Variants in SIRPA observed in about 807,000 individuals in gnomAD.
The protein encoded by SIRPA is signal regulatory protein alpha.
A neutral mutation model predicts 50.3 loss-of-function variants in SIRPA; 9 were observed. The observed-to-expected ratio is 0.18, with a 90% CI of 0.11 to 0.31. The LOEUF (loss-of-function observed/expected upper bound fraction) is 0.31, where lower values mean the gene tolerates loss of function less well. Among genes scored for constraint, SIRPA ranks in the 10% least tolerant of loss-of-function variants. The pLI is 1.00. For missense variants in SIRPA, 474 were observed against 661.6 expected (o/e 0.72, Z 3.11); for synonymous variants, 265 against 284.1 (o/e 0.93, Z 0.68).
chr20:1,913,498 C>T (rs987398154), intron 1 of SIRPA, among the ~76,000 whole-genome samples: 3 of 152,178 alleles, frequency 2.0e-5, no homozygotes, highest in Admixed American at 6.5e-5. Context: ...GGACATCTGC[C>T]GCAGCCTTGT....
upstream of SIRPA, chr20:1,894,381 C>T (rs902370377): frequency 6.6e-6 from 1 of 152,152 alleles, no homozygotes; most frequent in Non-Finnish European, 1.5e-5. This position sits in a 1 kb window ranked among gnomAD's most constrained non-coding sequence, Gnocchi z 4.0. Flanking sequence ...TTCCCCGGTC[C>T]ACCTTAAGAG....
In SIRPA at chr20:1,933,084, G is replaced by C. The variant is rs1157027058; in HGVS notation, c.1227-1631G>C. On this transcript the variant is annotated intron_variant, in intron 6 of 7. Transcript: ENST00000358771. The surrounding 1 kb of genome is among the most constrained non-coding windows in gnomAD (Gnocchi z 4.4). ...AAGGATTAAAGCAGATTAAGAGGCA[G>C]CAGCATGGAGCATGCAAAGGCCCTG... 2.0e-5 allele frequency among the ~76,000 whole-genome samples: 3 copies of C among 152,354 alleles called. No homozygotes were observed. Among genetic ancestry groups the C allele is most frequent in the African/African-American group, 7.2e-5 (3 of 41,574 alleles).
intron 1 of SIRPA, among the ~76,000 whole-genome samples, chr20:1,903,806 C>T (rs751728082): frequency 9.2e-5 from 14 of 152,174 alleles, no homozygotes; most frequent in Non-Finnish European, 1.6e-4. Flanking sequence ...AAGAGGTTAT[C>T]GCTTGTGATT....
At position 1,939,432 on chromosome 20, in the gene SIRPA, G is replaced by A. The variant is rs530939742; in HGVS notation, c.*1864G>A. ...GTGGACAGCTTTGGCCAGAGCTCCC[G>A]TGTGGCATCTGGGAGCCACAGTGAC... On this transcript the variant is annotated 3_prime_UTR_variant, in exon 8 of 8. Transcript: ENST00000358771. The surrounding 1 kb of genome is among the most constrained non-coding windows in gnomAD (Gnocchi z 4.7). 38 of 152,294 alleles carry A rather than the reference G, an allele frequency of 2.5e-4. No homozygotes were observed. The highest frequency in any genetic ancestry group is 7.7e-4 in the African/African-American group (32 of 41,554). The allele number at this position is 152,294 out of a possible 1,614,324, so 9.4% of individuals were successfully genotyped here. A position where few individuals can be genotyped will look rare whatever the true frequency, so the allele number is the denominator to read the frequency against.
At chr20:1,895,678 G>C in intron 1 of SIRPA, 152 bp downstream of exon 1, 1 of 580,342 alleles carries the variant, frequency 1.7e-6, no homozygotes, top group Non-Finnish European at 2.7e-6. Flanking sequence ...CTGAGGCCCA[G>C]AGAGGGCCAG....
In SIRPA at chr20:1,927,641, C is replaced by T. The variant is rs1986059773; in HGVS notation, c.1202-234C>T. On this transcript the variant is annotated intron_variant, in intron 5 of 7. Coordinates refer to ENST00000358771, the MANE Select transcript of SIRPA (RefSeq NM_001040023.2). This position sits in a 1 kb window ranked among gnomAD's most constrained non-coding sequence, Gnocchi z 6.5. ...CCAGGCTGAAGGCTGCTTTTGGACC[C>T]CTGGCAACTTCCAGAAGTGGAAAAG... 6.6e-6 allele frequency among the ~76,000 whole-genome samples: 1 copy of T among 152,162 alleles called. No homozygotes were observed. Among genetic ancestry groups the T allele is most frequent in the Non-Finnish European group, 1.5e-5 (1 of 68,030 alleles).
chr20:1,905,545 CAG>C (rs917901107), intron 1 of SIRPA, among the ~76,000 whole-genome samples: 2 of 152,248 alleles, frequency 1.3e-5, no homozygotes, highest in African/African-American at 4.8e-5. Flanking sequence ...GGGCCTGTCT[CAG>C]GGCAATGGTT....
chr20:1,922,226 C>T (rs972379435), intron 3 of SIRPA, 87 bp from the exon 4 acceptor site: 1 of 1,546,254 alleles, frequency 6.5e-7, no homozygotes, highest in Non-Finnish European at 8.8e-7. Flanking sequence ...GTGATGACCT[C>T]ACCGTGGTGG....
rs1334537882 is a variant in SIRPA, at chr20:1,938,495, G to A, written c.*927G>A. 4 of 152,706 alleles carry A rather than the reference G, an allele frequency of 2.6e-5. No homozygotes were observed. The highest frequency in any genetic ancestry group is 7.2e-5 in the African/African-American group (3 of 41,454). The allele number at this position is 152,706 out of a possible 1,614,324, so 9.5% of individuals were successfully genotyped here. ...TGTCTGTCATGTGTTGAAGTCCATGGTTGGGTCTTGTGAAGTCTGAGGTTT... is the reference window on the plus strand; with the variant it reads ...TGTCTGTCATGTGTTGAAGTCCATGATTGGGTCTTGTGAAGTCTGAGGTTT... On this transcript the variant is annotated 3_prime_UTR_variant, in exon 8 of 8. Transcript: ENST00000358771.
chr20:1,912,097 G>A (rs1051054998), intron 1 of SIRPA, among the ~76,000 whole-genome samples: 27 of 152,120 alleles, frequency 1.8e-4, no homozygotes, highest in African/African-American at 5.1e-4. Context: ...GGCTGCAGTC[G>A]GTGGAGAGAG....
At chr20:1,914,428 A>G (rs67802885) in intron 1 of SIRPA, among the ~76,000 whole-genome samples, 61,814 of 151,578 alleles carry the variant, frequency 0.41, 12,874 homozygotes, top group East Asian at 0.66. Flanking sequence ...TATTTTACAG[A>G]TGAAGAAACC....
intron 1 of SIRPA, among the ~76,000 whole-genome samples, chr20:1,896,009 G>A (rs1423278148): frequency 6.6e-6 from 1 of 152,238 alleles, no homozygotes; most frequent in Admixed American, 6.5e-5. Context: ...GTTGCAATTA[G>A]GGAAGAGTGA....
intron 1 of SIRPA, among the ~76,000 whole-genome samples, chr20:1,906,059 A>G (rs961139580): frequency 6.6e-6 from 1 of 152,208 alleles, no homozygotes; most frequent in South Asian, 2.1e-4. Flanking sequence ...CTGCATGGTG[A>G]CAGCTGCTCT....
Position 1,939,565 on chromosome 20 carries a change from C to T in SIRPA, c.*1997C>T, listed in dbSNP as rs1217811912. On this transcript the variant is annotated 3_prime_UTR_variant, in exon 8 of 8. Transcript: ENST00000358771. This position sits in a 1 kb window ranked among gnomAD's most constrained non-coding sequence, Gnocchi z 4.7. ...GCACATACGTGTGCACACGCATGCA[C>T]ACACACATTCAGTATTTTAAAAGAA... 1.3e-5 allele frequency: 2 copies of T among 152,238 alleles called. No individual in the cohort carries two copies. The highest frequency in any genetic ancestry group is 2.9e-5 in the Non-Finnish European group (2 of 68,044). The allele number at this position is 152,238 out of a possible 1,614,324, so 9.4% of individuals were successfully genotyped here.
intron 1 of SIRPA, among the ~76,000 whole-genome samples, chr20:1,911,962 C>A (rs6111940): frequency 0.047 from 7,024 of 149,366 alleles, 476 homozygotes; most frequent in African/African-American, 0.15. Context: ...AAAAAAAAAA[C>A]CCCTCTCTAC....
chr20:1,932,644 T>C lies in SIRPA; in HGVS notation c.1227-2071T>C, dbSNP rs781616762. Among the ~76,000 whole-genome samples the C allele has an allele frequency of 1.3e-5, 2 of 151,914 alleles. No individual in the cohort carries two copies. The highest frequency in any genetic ancestry group is 2.9e-5 in the Non-Finnish European group (2 of 67,984). On this transcript the variant is annotated intron_variant, in intron 6 of 7. Transcript: ENST00000358771. The surrounding 1 kb of genome is among the most constrained non-coding windows in gnomAD (Gnocchi z 6.0). ...CATGACATCACTTATGCATTTCAGA[T>C]AGGGAGAATGGAGGGCAGGGAAGCA...
chr20:1,928,358 C>T lies in SIRPA; in HGVS notation c.1226+459C>T, dbSNP rs192095944. ...ATCTGTGCCCTCTGCAAGCTCACAG[C>T]CTGGTCAGAGGCTCAGACGGTGACA... On this transcript the variant is annotated intron_variant, in intron 6 of 7. Transcript: ENST00000358771. The surrounding 1 kb of genome is among the most constrained non-coding windows in gnomAD (Gnocchi z 4.9). Among the ~76,000 whole-genome samples the T allele has an allele frequency of 6.6e-6, 1 of 152,198 alleles. No individual in the cohort carries two copies. The highest frequency in any genetic ancestry group is 1.5e-5 in the Non-Finnish European group (1 of 68,042).
At position 1,934,641 on chromosome 20, in the gene SIRPA, G is replaced by C; in HGVS notation, c.1227-74G>C. 1 of 1,459,032 alleles carries C rather than the reference G, an allele frequency of 6.9e-7. No individual in the cohort carries two copies. Among genetic ancestry groups the C allele is most frequent in the Non-Finnish European group, 9.6e-7 (1 of 1,040,274 alleles). 90.4% of individuals were successfully genotyped at this position (1,459,032 alleles called of 1,614,324 possible). ...CCCATATAGAAAATGGAGCCTAAAT[G>C]TTATTCTTATCAGTTTGCATGAGCA... On this transcript the variant is annotated intron_variant, in intron 6 of 7. Transcript: ENST00000358771. The surrounding 1 kb of genome is among the most constrained non-coding windows in gnomAD (Gnocchi z 4.6).
At chr20:1,903,581 G>A (rs957558602) in intron 1 of SIRPA, among the ~76,000 whole-genome samples, 1 of 152,138 alleles carries the variant, frequency 6.6e-6, no homozygotes, top group Admixed American at 6.5e-5. Flanking sequence ...TCTGGACCAC[G>A]TCTGTCTCTT....
Sources: allele counts gnomAD v4.1 joint callset (sites outside exome capture counted in the v4.1 genomes callset), GRCh38; gene constraint gnomAD v4.1.1; non-coding constraint Gnocchi (gnomAD v3.1); transcripts MANE v1.5; gene names NCBI Gene and HGNC (gene_info 2026-07-23, HGNC 2026-07-21).